The following STAM variants were observed in gnomAD, a reference collection of about 807,000 sequenced individuals.
STAM encodes signal transducing adapter molecule 1.
In STAM, 16 loss-of-function variants were observed where a neutral mutation model predicts 63.4. The observed-to-expected ratio is 0.25, with a 90% CI of 0.17 to 0.38. STAM has a LOEUF of 0.38. Ranked by LOEUF, STAM falls within the 10% of genes least tolerant of loss-of-function variation. The probability of loss-of-function intolerance (pLI) is 1.00; values close to 1 mark genes in which losing one functional copy is unlikely to be tolerated. For missense variants in STAM, 636 were observed against 657.1 expected, an observed-to-expected ratio of 0.97 and a Z score of 0.35; for synonymous variants, 238 against 223.9, an observed-to-expected ratio of 1.06 and a Z score of -0.56.
intron 1 of STAM, among the ~76,000 whole-genome samples, chr10:17,656,366 A>G (rs1833940708): frequency 6.6e-6 from 1 of 152,082 alleles, no homozygotes; most frequent in Admixed American, 6.5e-5. Context: ...TGGAGAAATC[A>G]AAAGCACATT....
chr10:17,644,363 C>G lies in STAM; in HGVS notation c.24C>G (p.Pro8=). MPLFATN[P]FDQDVEKATS... ...AGATGCCTCTTTTTGCCACCAATCC[C>G]TTCGATCAGGATGTTGGTAAGTGTT... The change falls in exon 1 of 14, where the codon CCC becomes CCG. Residue 8 remains proline, a synonymous_variant. Transcript: ENST00000377524. The G allele has an allele frequency of 3.1e-6, 5 of 1,614,200 alleles. No homozygotes were observed. Among genetic ancestry groups the G allele is most frequent in the Non-Finnish European group, 3.4e-6 (4 of 1,180,028 alleles).
intron 13 of STAM, among the ~76,000 whole-genome samples, chr10:17,710,049 T>C (rs1488016009): frequency 6.6e-6 from 1 of 151,576 alleles, no homozygotes; most frequent in Non-Finnish European, 1.5e-5. Flanking sequence ...CATGTTGCTT[T>C]ACAACTAGAT....
At chr10:17,705,141 C>A in intron 11 of STAM, 117 bp downstream of exon 11, 2 of 783,536 alleles carry the variant, frequency 2.6e-6, no homozygotes, top group Non-Finnish European at 4.2e-6. Context: ...AACCAACTCT[C>A]ATTCACATAT....
chr10:17,713,760 G>C (rs1836670078), intron 13 of STAM, among the ~76,000 whole-genome samples: 1 of 152,124 alleles, frequency 6.6e-6, no homozygotes, highest in African/African-American at 2.4e-5. Flanking sequence ...ATAACCTGCA[G>C]TCAGCTATCC....
In STAM at chr10:17,677,529, G is replaced by A. The variant is rs527848075; in HGVS notation, c.126-7146G>A. 5.3e-5 allele frequency among the ~76,000 whole-genome samples: 8 copies of A among 152,150 alleles called. No individual in the cohort carries two copies. The East Asian group carries it at 1.5e-3, about 29-fold the overall frequency. On this transcript the variant is annotated intron_variant, in intron 2 of 13. Transcript: ENST00000377524. ...GTATTCACAACTGCAAGTCAGTATG[G>A]GGTCACGGACCCTGGCTCCTAAAAT...
At chr10:17,660,730 C>T (rs532687403) in intron 2 of STAM, among the ~76,000 whole-genome samples, 182 bp downstream of exon 2, 8 of 151,826 alleles carry the variant, frequency 5.3e-5, no homozygotes, top group East Asian at 3.9e-4. Context: ...CCAATGTACA[C>T]GAGTCAGGGC....
intron 2 of STAM, among the ~76,000 whole-genome samples, chr10:17,666,473 C>T (rs1439521978): frequency 2.1e-5 from 3 of 143,414 alleles, no homozygotes; most frequent in Admixed American, 7.4e-5. Context: ...TGGCTCACTG[C>T]AAGCTCCGCC....
intron 1 of STAM, among the ~76,000 whole-genome samples, chr10:17,653,492 C>G (rs557049320): frequency 3.0e-4 from 46 of 152,264 alleles, no homozygotes; most frequent in Middle Eastern, 3.4e-3. Context: ...ATGAAGCTTC[C>G]TAGCACAGAA....
chr10:17,667,552 A>G (rs1358256864), intron 2 of STAM, among the ~76,000 whole-genome samples: 1 of 152,230 alleles, frequency 6.6e-6, no homozygotes, highest in East Asian at 1.9e-4. Context: ...TCAAATACTG[A>G]ATGCCAAATA....
At chr10:17,655,564 T>G (rs1833905457) in intron 1 of STAM, among the ~76,000 whole-genome samples, 1 of 152,152 alleles carries the variant, frequency 6.6e-6, no homozygotes, top group Admixed American at 6.5e-5. Flanking sequence ...TTGGTCAGAG[T>G]TGACTGCTTT....
At chr10:17,690,878 T>C (rs111458096) in intron 5 of STAM, among the ~76,000 whole-genome samples, 2 of 152,222 alleles carry the variant, frequency 1.3e-5, no homozygotes. Flanking sequence ...ACAAGTGTTA[T>C]TGTTACATTT....
chr10:17,670,641 C>G (rs1038475082), intron 2 of STAM, among the ~76,000 whole-genome samples: 27 of 151,984 alleles, frequency 1.8e-4, no homozygotes, highest in African/African-American at 6.5e-4. Flanking sequence ...GAATTTAATC[C>G]TCAATATTTT....
chr10:17,661,892 A>G (rs1223129380), intron 2 of STAM, among the ~76,000 whole-genome samples: 1 of 124,458 alleles, frequency 8.0e-6, no homozygotes, highest in Non-Finnish European at 1.7e-5. Flanking sequence ...GAATCTCCCA[A>G]ATGTGGTCCC....
At chr10:17,710,907 A>C (rs1836524919) in intron 13 of STAM, among the ~76,000 whole-genome samples, 1 of 152,236 alleles carries the variant, frequency 6.6e-6, no homozygotes, top group Admixed American at 6.5e-5. Context: ...TAAAGGTACA[A>C]TATGTAATAT....
chr10:17,671,893 T>C (rs991204861), intron 2 of STAM, among the ~76,000 whole-genome samples: 3 of 152,242 alleles, frequency 2.0e-5, no homozygotes, highest in Admixed American at 1.3e-4. Flanking sequence ...CATTTATTAA[T>C]TTAGTAATAT....
chr10:17,695,550 G>C (rs1444796473), intron 7 of STAM, among the ~76,000 whole-genome samples: 1 of 152,134 alleles, frequency 6.6e-6, no homozygotes, highest in African/African-American at 2.4e-5. Flanking sequence ...GAAAAACACT[G>C]AGTATGTATA....
chr10:17,686,443 C>T (rs1311609291), intron 4 of STAM, among the ~76,000 whole-genome samples: 1 of 148,130 alleles, frequency 6.8e-6, no homozygotes, highest in Non-Finnish European at 1.5e-5. Context: ...GTGGCGTGAT[C>T]TCAGCTGACT....
At chr10:17,650,311 C>A (rs2255426) in intron 1 of STAM, among the ~76,000 whole-genome samples, 94,484 of 152,144 alleles carry the variant, frequency 0.62, 30,430 homozygotes, top group African/African-American at 0.8. Flanking sequence ...ATAGGGATAG[C>A]AATATCCATT....
chr10:17,665,477 T>TTTTCCCCCCTTATTACA (rs1834339524), intron 2 of STAM, among the ~76,000 whole-genome samples: 3 of 152,260 alleles, frequency 2.0e-5, no homozygotes, highest in Middle Eastern at 3.4e-3. Context: ...TCCCCCCATT[T>TTTTCCCCCCTTATTACA]ACATGTAATA....
Sources: gnomAD v4.1 joint callset for allele counts (sites outside exome capture counted in the v4.1 genomes callset) on GRCh38, gnomAD v4.1.1 for gene constraint, MANE v1.5 for transcripts, NCBI Gene and HGNC (gene_info 2026-07-23, HGNC 2026-07-21) for gene names.